Variants in BCLAF3 observed in about 807,000 individuals in gnomAD.
BCLAF3 encodes BCLAF1 and THRAP3 family member 3.
In BCLAF3, 24 loss-of-function variants were observed where a neutral mutation model predicts 51.2. The observed-to-expected ratio is 0.47, with a 90% CI of 0.34 to 0.66. The LOEUF (loss-of-function observed/expected upper bound fraction) is 0.66, where lower values mean the gene tolerates loss of function less well. Among genes scored for constraint, BCLAF3 ranks in the 30% least tolerant of loss-of-function variants. BCLAF3 has a pLI of 0.01. For missense variants in BCLAF3, 465 were observed against 525.1 expected (o/e 0.89, Z 1.12); for synonymous variants, 152 against 176.6 (o/e 0.86, Z 1.10).
intron 8 of BCLAF3, among the ~76,000 whole-genome samples, chrX:19,950,246 T>C (rs2071436755): frequency 1.8e-5 from 2 of 111,978 alleles, no homozygotes; most frequent in Non-Finnish European, 3.8e-5. Context: ...CTACTACACC[T>C]GCCTCAATTT....
intron 8 of BCLAF3, 95 bp from the exon 9 acceptor site, chrX:19,937,627 C>A: frequency 2.2e-6 from 1 of 464,422 alleles, no homozygotes; most frequent in Non-Finnish European, 3.7e-6. Context: ...CCTTCAGAAA[C>A]AATTAAAGTA....
intron 1 of BCLAF3, among the ~76,000 whole-genome samples, chrX:19,985,475 T>G (rs2072767471): frequency 9.1e-6 from 1 of 109,733 alleles, no homozygotes; most frequent in African/African-American, 3.3e-5. Flanking sequence ...AGTCCTAGCT[T>G]CTCGGGAGGT....
At chrX:19,961,541 T>C (rs901663115) in intron 4 of BCLAF3, among the ~76,000 whole-genome samples, 1 of 112,288 alleles carries the variant, frequency 8.9e-6, no homozygotes, top group African/African-American at 3.2e-5. Context: ...TCTCTAGATG[T>C]TAACCAATAA....
At chrX:19,952,924 A>G in intron 7 of BCLAF3, 64 bp downstream of exon 7, 1 of 903,295 alleles carries the variant, frequency 1.1e-6, no homozygotes, top group Non-Finnish European at 1.6e-6. Flanking sequence ...CCCAACCACC[A>G]AGCCCCTTGC....
intron 8 of BCLAF3, among the ~76,000 whole-genome samples, chrX:19,947,515 GTTT>G (rs1017479008): frequency 9.5e-6 from 1 of 105,109 alleles, no homozygotes; most frequent in Non-Finnish European, 2.0e-5. Flanking sequence ...TTAACTTACA[GTTT>G]TTTTTTTTTA....
chrX:19,917,727 C>T (rs7062073), intron 11 of BCLAF3, among the ~76,000 whole-genome samples: 37,368 of 110,855 alleles, frequency 0.34, 7,347 homozygotes, highest in African/African-American at 0.75. Flanking sequence ...ATCTTTTCCA[C>T]CCTATATCTC....
At chrX:19,969,659 C>T (rs2072190610) in intron 2 of BCLAF3, among the ~76,000 whole-genome samples, 2 of 111,852 alleles carry the variant, frequency 1.8e-5, no homozygotes, top group Admixed American at 9.5e-5. Flanking sequence ...AATCTCCCAG[C>T]CCAACCACGT....
intron 4 of BCLAF3, 98 bp downstream of exon 4, chrX:19,964,946 G>C (rs1011366893): frequency 1.4e-6 from 1 of 727,587 alleles, no homozygotes; most frequent in African/African-American, 2.3e-5. Flanking sequence ...CCTCCCACTT[G>C]ATGGACTCTA....
intron 1 of BCLAF3, among the ~76,000 whole-genome samples, chrX:19,982,587 A>G (rs1020995613): frequency 4.6e-5 from 5 of 108,601 alleles, no homozygotes; most frequent in East Asian, 5.7e-4. Flanking sequence ...ACACACACGC[A>G]CACACACACA....
intron 1 of BCLAF3, among the ~76,000 whole-genome samples, chrX:19,988,105 T>G (rs1427767761): frequency 1.8e-5 from 2 of 112,010 alleles, no homozygotes; most frequent in Admixed American, 1.9e-4. Flanking sequence ...CCATCTAAAT[T>G]TGGAAAGCAG....
intron 8 of BCLAF3, among the ~76,000 whole-genome samples, chrX:19,940,010 G>A (rs12011296): frequency 0.32 from 35,052 of 111,164 alleles, 6,610 homozygotes; most frequent in African/African-American, 0.72. Flanking sequence ...GATAGTGGTG[G>A]TGATTGTACA....
rs754432592 is a variant in BCLAF3, at chrX:19,965,082, T to C, written c.1236A>G (p.Thr412=). ...CTGTTTTCTTCACATCTACTTTAAC[T>C]GTAAGTGATTTCTTCCTAAGATTGA... is the stretch of plus-strand genomic sequence containing the variant. ...SPINLRKKSL[T]VKVDVKKTVD... is the part of the protein sequence containing the mutation. Residue 412 remains threonine, a synonymous_variant, in exon 4 of 12, where the codon ACA becomes ACG. Coordinates refer to ENST00000379682, the MANE Select transcript of BCLAF3 (RefSeq NM_001367774.2). 2 of 1,186,144 alleles carry C rather than the reference T, an allele frequency of 1.7e-6. No individual in the cohort carries two copies. Among genetic ancestry groups the C allele is most frequent in the Non-Finnish European group, 2.3e-6 (2 of 887,080 alleles).
intron 1 of BCLAF3, among the ~76,000 whole-genome samples, chrX:19,982,347 G>C (rs774726540): frequency 9.0e-6 from 1 of 110,948 alleles, no homozygotes; most frequent in South Asian, 3.8e-4. Flanking sequence ...CACCAAGTCA[G>C]AGCCCACAGA....
At chrX:19,936,018 G>A (rs2070743193) in intron 9 of BCLAF3, 120 bp from the exon 10 acceptor site, 3 of 576,199 alleles carry the variant, frequency 5.2e-6, no homozygotes, top group Non-Finnish European at 5.7e-6. Context: ...GCAGGGAGCA[G>A]GGAGCTTAGC....
rs761421408 is a variant in BCLAF3, at chrX:19,937,409, C to T, written c.1860+9G>A. The T allele has an allele frequency of 9.0e-6, 9 of 1,004,155 alleles. No homozygotes were observed. The highest frequency in any genetic ancestry group is 1.3e-5 in the Non-Finnish European group (9 of 714,020). 82.8% of individuals were successfully genotyped at this position (1,004,155 alleles called of 1,213,427 possible). On this transcript the variant is annotated intron_variant, in intron 9 of 11. Coordinates refer to ENST00000379682, the MANE Select transcript of BCLAF3 (RefSeq NM_001367774.2). ...TATAAAAATGCAAATTTTGGAACTG[C>T]AATCTTACCATGTAAGGTTTTTCAA...
intron 2 of BCLAF3, among the ~76,000 whole-genome samples, chrX:19,967,462 C>A (rs774441539): frequency 8.9e-6 from 1 of 111,824 alleles, no homozygotes; most frequent in Non-Finnish European, 1.9e-5. Flanking sequence ...GACAGCACAT[C>A]CTTTATGGAA....
intron 1 of BCLAF3, among the ~76,000 whole-genome samples, chrX:19,986,477 G>A (rs2072805029): frequency 8.9e-6 from 1 of 111,932 alleles, no homozygotes; most frequent in Non-Finnish European, 1.9e-5. Context: ...ATCAACCTTT[G>A]GAGGAAGATG....
intron 2 of BCLAF3, 42 bp downstream of exon 2, chrX:19,970,182 G>C: frequency 1.8e-6 from 2 of 1,130,614 alleles, no homozygotes; most frequent in Non-Finnish European, 2.4e-6. Flanking sequence ...GAAAGTCACA[G>C]CACATCCCAA....
intron 10 of BCLAF3, among the ~76,000 whole-genome samples, chrX:19,932,099 GTTCT>G (rs1348716422): frequency 8.9e-6 from 1 of 111,912 alleles, no homozygotes; most frequent in Non-Finnish European, 1.9e-5. Flanking sequence ...CCAAATGTGT[GTTCT>G]TTTTTTTAAT....
Sources: allele counts gnomAD v4.1 joint callset (sites outside exome capture counted in the v4.1 genomes callset), GRCh38; gene constraint gnomAD v4.1.1; transcripts MANE v1.5; gene names NCBI Gene and HGNC (gene_info 2026-07-23, HGNC 2026-07-21).